The following USP6NL variants were observed in gnomAD, a reference collection of about 807,000 sequenced individuals.
The protein encoded by USP6NL is USP6 N-terminal-like protein.
In USP6NL, 26 loss-of-function variants were observed where a neutral mutation model predicts 61.9. The ratio of observed to expected loss-of-function variants is 0.42; its 90% CI spans 0.31 to 0.58. The LOEUF is 0.58. USP6NL is among the 20% of genes least tolerant of loss of function. The pLI is 0.16. For synonymous variants in USP6NL, 432 were observed against 390.1 expected, an observed-to-expected ratio of 1.11 and a Z score of -1.27; for missense variants, 1,114 against 1,034.3, an observed-to-expected ratio of 1.08 and a Z score of -1.06.
At chr10:11,566,289 G>C (rs1460183827) in intron 2 of USP6NL, among the ~76,000 whole-genome samples, 1 of 152,172 alleles carries the variant, frequency 6.6e-6, no homozygotes, top group African/African-American at 2.4e-5. Context: ...TATATAAACA[G>C]TTTCTCAAAG....
chr10:11,462,425 A>G lies in USP6NL; in HGVS notation c.*16T>C. 6.2e-7 allele frequency: 1 copy of G among 1,605,828 alleles called. No individual in the cohort carries two copies. The highest frequency in any genetic ancestry group is 1.1e-5 in the South Asian group (1 of 90,184). ...ACGTGGTTTCTCTCTCGTCTTTAGC[A>G]AGTACACGTCAAATCTCACAGCAAC... On this transcript the variant is annotated 3_prime_UTR_variant, in exon 15 of 15. Coordinates refer to ENST00000609104, the MANE Select transcript of USP6NL (RefSeq NM_014688.5).
rs866062309 is a variant in USP6NL, at chr10:11,465,764, T to G, written c.1079-1915A>C. Reference sequence around the variant, plus strand: ...AATTCTCAATTAATGAAAACTCAATTCACCTGACATGAGGCGTTTCTAAGG... The same window carrying G: ...AATTCTCAATTAATGAAAACTCAATGCACCTGACATGAGGCGTTTCTAAGG... On this transcript the variant is annotated intron_variant, in intron 14 of 14. Transcript: ENST00000609104. This position sits in a 1 kb window ranked among gnomAD's most constrained non-coding sequence, Gnocchi z 4.5. 1.3e-5 allele frequency among the ~76,000 whole-genome samples: 2 copies of G among 152,120 alleles called. No individual in the cohort carries two copies. The highest frequency in any genetic ancestry group is 4.8e-5 in the African/African-American group (2 of 41,418).
rs1432575698 is a variant in USP6NL at position 11,562,829 on chromosome 10, G to T, written c.4+34802C>A. 4.1e-6 allele frequency: 4 copies of T among 963,878 alleles called. No individual in the cohort carries two copies. Among genetic ancestry groups the T allele is most frequent in the African/African-American group, 1.8e-5 (1 of 56,752 alleles). 59.7% of individuals were successfully genotyped at this position (963,878 alleles called of 1,614,324 possible). A position where few individuals can be genotyped will look rare whatever the true frequency, so the allele number is the denominator to read the frequency against. ...AGGCATTAGTAAATAAGTTTTAGAA[G>T]AATAATAGTAAGGGTCTTTTGGTAG... is the stretch of plus-strand genomic sequence containing the variant. On this transcript the variant is annotated intron_variant, in intron 2 of 14. Coordinates refer to ENST00000609104, the MANE Select transcript of USP6NL (RefSeq NM_014688.5). This position sits in a 1 kb window ranked among gnomAD's most constrained non-coding sequence, Gnocchi z 4.8.
At chr10:11,593,232 G>A (rs997936010) in intron 2 of USP6NL, among the ~76,000 whole-genome samples, 14 of 152,264 alleles carry the variant, frequency 9.2e-5, no homozygotes, top group African/African-American at 3.4e-4. Flanking sequence ...TTAAAACAGA[G>A]CAAATAAGCT....
chr10:11,559,403 G>T (rs1024270417), intron 2 of USP6NL, among the ~76,000 whole-genome samples: 1 of 151,934 alleles, frequency 6.6e-6, no homozygotes, highest in Admixed American at 6.6e-5. Flanking sequence ...CAACTTTAAG[G>T]TCACTTTCCA....
intron 5 of USP6NL, among the ~76,000 whole-genome samples, chr10:11,516,873 A>T (rs77908375): frequency 6.6e-6 from 1 of 152,190 alleles, no homozygotes; most frequent in African/African-American, 2.4e-5. Context: ...CTAATAAAAA[A>T]TTTTGAAAAA....
rs1040686586 is a variant in USP6NL at position 11,537,363 on chromosome 10, T to C, written c.5-9796A>G. 4.0e-5 allele frequency among the ~76,000 whole-genome samples: 6 copies of C among 151,426 alleles called. No individual in the cohort carries two copies. Among genetic ancestry groups the C allele is most frequent in the Non-Finnish European group, 8.9e-5 (6 of 67,668 alleles). ...CTGGGCTGGGGCAATCCACCCACCT[T>C]GGCCTCCCAAAGTGCTACGATTATA... On this transcript the variant is annotated intron_variant, in intron 2 of 14. Transcript: ENST00000609104. The surrounding 1 kb of genome is among the most constrained non-coding windows in gnomAD (Gnocchi z 5.1).
At position 11,495,577 on chromosome 10, in the gene USP6NL, A is replaced by C. The variant is rs916110846; in HGVS notation, c.385-2349T>G. On this transcript the variant is annotated intron_variant, in intron 7 of 14. Transcript: ENST00000609104. The surrounding 1 kb of genome is among the most constrained non-coding windows in gnomAD (Gnocchi z 4.6). ...TAACTGACATTCTGGGAATTTCTTC[A>C]ATTGTCATTTTCAATTAAGTTTTTC... Among the ~76,000 whole-genome samples, 1 of 152,068 alleles carries C rather than the reference A, an allele frequency of 6.6e-6. No individual in the cohort carries two copies. The highest frequency in any genetic ancestry group is 1.5e-5 in the Non-Finnish European group (1 of 68,008).
intron 14 of USP6NL, among the ~76,000 whole-genome samples, chr10:11,473,537 C>T (rs1481296793): frequency 6.6e-6 from 1 of 152,172 alleles, no homozygotes; most frequent in East Asian, 1.9e-4. Context: ...TGGTCGGGAG[C>T]ATTCTTGGAG....
intron 2 of USP6NL, among the ~76,000 whole-genome samples, chr10:11,584,638 A>G (rs1438628925): frequency 1.3e-5 from 2 of 152,110 alleles, no homozygotes; most frequent in Non-Finnish European, 2.9e-5. Flanking sequence ...ACATGTCTCA[A>G]AATAAAACTA....
intron 2 of USP6NL, among the ~76,000 whole-genome samples, chr10:11,544,520 T>C (rs540534330): frequency 4.6e-5 from 7 of 152,154 alleles, no homozygotes; most frequent in Middle Eastern, 3.4e-3. Context: ...AGAATTTCGC[T>C]CTTGTCGCAC....
intron 2 of USP6NL, among the ~76,000 whole-genome samples, chr10:11,569,183 A>G (rs1358146849): frequency 6.6e-6 from 1 of 152,258 alleles, no homozygotes; most frequent in East Asian, 1.9e-4. Flanking sequence ...CAAAATGAGT[A>G]CATTTTAAAT....
At chr10:11,577,133 C>T (rs1159956010) in intron 2 of USP6NL, among the ~76,000 whole-genome samples, 1 of 150,818 alleles carries the variant, frequency 6.6e-6, no homozygotes, top group East Asian at 2.0e-4. Flanking sequence ...TCTCAGCTCA[C>T]TGCAAGCTCC....
rs73567376 is a variant in USP6NL at position 11,461,930 on chromosome 10, G to A, written c.*511C>T. The A allele has an allele frequency of 6.5e-6, 1 of 152,848 alleles. No individual in the cohort carries two copies. The highest frequency in any genetic ancestry group is 2.4e-5 in the African/African-American group (1 of 41,560). 9.5% of individuals were successfully genotyped at this position (152,848 alleles called of 1,614,324 possible). ...CTGGACTAAAAGACAAGGAAAACAAGAATTACATATTATTCCATGGATCTG... is the reference window on the plus strand; with the variant it reads ...CTGGACTAAAAGACAAGGAAAACAAAAATTACATATTATTCCATGGATCTG... On this transcript the variant is annotated 3_prime_UTR_variant, in exon 15 of 15. Transcript: ENST00000609104.
At chr10:11,543,180 C>G (rs974797403) in intron 2 of USP6NL, among the ~76,000 whole-genome samples, 2 of 152,128 alleles carry the variant, frequency 1.3e-5, no homozygotes, top group African/African-American at 4.8e-5. Flanking sequence ...GCAAATTTTA[C>G]TCAAAAAGCA....
intron 14 of USP6NL, among the ~76,000 whole-genome samples, chr10:11,466,955 G>A (rs1832491204): frequency 6.6e-6 from 1 of 152,212 alleles, no homozygotes. Flanking sequence ...AGTTCATTAA[G>A]GAGCTCATGA....
intron 1 of USP6NL, among the ~76,000 whole-genome samples, chr10:11,604,716 A>C (rs1405682254): frequency 5.9e-5 from 9 of 152,238 alleles, no homozygotes; most frequent in Admixed American, 5.9e-4. Context: ...CCAGAAATTT[A>C]TCTTCAGCAA....
intron 5 of USP6NL, among the ~76,000 whole-genome samples, chr10:11,512,397 C>T (rs892654503): frequency 6.6e-6 from 1 of 152,140 alleles, no homozygotes; most frequent in Non-Finnish European, 1.5e-5. Flanking sequence ...TTCCCCAGTT[C>T]AGGTAATCAG....
intron 2 of USP6NL, among the ~76,000 whole-genome samples, chr10:11,554,309 A>C (rs915531518): frequency 6.6e-6 from 1 of 152,270 alleles, no homozygotes; most frequent in Non-Finnish European, 1.5e-5. Context: ...ACAGAAAAAG[A>C]AAGCAGTGAG....
Sources: allele counts gnomAD v4.1 joint callset (sites outside exome capture counted in the v4.1 genomes callset), GRCh38; gene constraint gnomAD v4.1.1; non-coding constraint Gnocchi (gnomAD v3.1); transcripts MANE v1.5; gene names NCBI Gene and HGNC (gene_info 2026-07-23, HGNC 2026-07-21).